SV2B: variants seen among roughly 807,000 people sequenced by gnomAD.
The protein encoded by SV2B is synaptic vesicle glycoprotein 2B.
SV2B carries 41 observed loss-of-function variants against 73.9 expected under a neutral mutation model. That is an observed-to-expected ratio of 0.56 (90% confidence interval 0.43 to 0.72). SV2B has a LOEUF of 0.72. Among genes scored for constraint, SV2B ranks in the 30% least tolerant of loss-of-function variants. The pLI is 0.00. For missense variants in SV2B, 764 were observed against 857.8 expected (o/e 0.89, Z 1.37); for synonymous variants, 314 against 314.2 (o/e 1.00, Z 0.01).
intron 1 of SV2B, among the ~76,000 whole-genome samples, chr15:91,186,911 C>A (rs940493303): frequency 6.6e-6 from 1 of 152,124 alleles, no homozygotes; most frequent in African/African-American, 2.4e-5. Context: ...TTACATTTTT[C>A]TTAAGCATTT....
At chr15:91,244,945 A>G (rs2047165453) in intron 2 of SV2B, among the ~76,000 whole-genome samples, 2 of 152,242 alleles carry the variant, frequency 1.3e-5, no homozygotes. Flanking sequence ...TAATCCTCTC[A>G]GGATAATGAA....
intron 2 of SV2B, among the ~76,000 whole-genome samples, 194 bp from the exon 3 acceptor site, chr15:91,251,625 T>A (rs1190493196): frequency 6.6e-6 from 1 of 152,254 alleles, no homozygotes; most frequent in African/African-American, 2.4e-5. Context: ...AGGCCATTTT[T>A]AAGATAAAAT....
At chr15:91,119,505 A>C (rs1466216659) in intron 1 of SV2B, among the ~76,000 whole-genome samples, 1 of 152,208 alleles carries the variant, frequency 6.6e-6, no homozygotes, top group Non-Finnish European at 1.5e-5. Context: ...AAATTACCCA[A>C]ATCTATTGCT....
chr15:91,248,806 G>A (rs1002357828), intron 2 of SV2B, among the ~76,000 whole-genome samples: 1 of 152,170 alleles, frequency 6.6e-6, no homozygotes, highest in African/African-American at 2.4e-5. Context: ...GGTGATTTAT[G>A]TGCACAGTAA....
intron 1 of SV2B, among the ~76,000 whole-genome samples, chr15:91,193,300 G>A (rs1032125182): frequency 1.3e-5 from 2 of 152,182 alleles, no homozygotes; most frequent in African/African-American, 2.4e-5. Flanking sequence ...GTCAACAGTT[G>A]TTGAAAAATG....
chr15:91,216,911 C>T (rs1186296252), intron 1 of SV2B, among the ~76,000 whole-genome samples: 13 of 137,728 alleles, frequency 9.4e-5, no homozygotes, highest in East Asian at 6.3e-4. Flanking sequence ...TTTTTGAGAC[C>T]GAGCCTTGCT....
intron 2 of SV2B, among the ~76,000 whole-genome samples, chr15:91,244,276 A>G (rs772566784): frequency 3.9e-5 from 6 of 152,214 alleles, no homozygotes; most frequent in Non-Finnish European, 8.8e-5. Flanking sequence ...AGATCAACAA[A>G]TGTTAATTCT....
Sources: allele counts gnomAD v4.1 joint callset (sites outside exome capture counted in the v4.1 genomes callset), GRCh38; gene constraint gnomAD v4.1.1; transcripts MANE v1.5; gene names NCBI Gene and HGNC (gene_info 2026-07-23, HGNC 2026-07-21).